The following PTPRE variants were observed in gnomAD, a reference collection of about 807,000 sequenced individuals.
The protein encoded by PTPRE is receptor-type tyrosine-protein phosphatase epsilon.
PTPRE carries 51 observed loss-of-function variants against 102.0 expected under a neutral mutation model. The observed-to-expected ratio is 0.50, with a 90% CI of 0.40 to 0.63. The LOEUF is 0.63. Ranked by LOEUF, PTPRE falls within the 30% of genes least tolerant of loss-of-function variation. The pLI, the probability that PTPRE is intolerant of heterozygous loss-of-function variation, is 0.00. For missense variants in PTPRE, 752 were observed against 915.1 expected (o/e 0.82, Z 2.30); for synonymous variants, 345 against 348.2 (o/e 0.99, Z 0.10).
At chr10:127,996,468 A>C (rs1853274718) in intron 2 of PTPRE, among the ~76,000 whole-genome samples, 1 of 152,202 alleles carries the variant, frequency 6.6e-6, no homozygotes, top group Non-Finnish European at 1.5e-5. Context: ...GTTAAAGTTG[A>C]TTCAAATTGC....
chr10:127,962,616 A>G (rs373942024), intron 1 of PTPRE, among the ~76,000 whole-genome samples: 9 of 152,314 alleles, frequency 5.9e-5, no homozygotes, highest in South Asian at 2.1e-4. Context: ...AGAGGCCTCA[A>G]TGAAGCCGAG....
At position 128,004,052 on chromosome 10, in the gene PTPRE, G is replaced by T. The variant is rs189483758; in HGVS notation, c.-8+21756G>T. ...TTCTCTGTAAAATGAAGGTGATAAT[G>T]GTCCTAACCTCTTATTGTTGGGGGG... is the stretch of plus-strand genomic sequence containing the variant. On this transcript the variant is annotated intron_variant, in intron 2 of 20. Coordinates refer to ENST00000254667, the MANE Select transcript of PTPRE (RefSeq NM_006504.6). Among the ~76,000 whole-genome samples the T allele has an allele frequency of 9.9e-5, 15 of 152,024 alleles. 1 individual carries two copies. The South Asian group carries it at 1.3e-3, about 13-fold the overall frequency.
At position 128,070,482 on chromosome 10, in the gene PTPRE, G is replaced by A. The variant is rs1850672112; in HGVS notation, c.1293+32G>A. ...ACAGCTGACCCTCCTCTCCATCCTG[G>A]TGTAAGCAGCCAAGGGCACGAGGAA... On this transcript the variant is annotated intron_variant, in intron 14 of 20. Transcript: ENST00000254667. This position sits in a 1 kb window ranked among gnomAD's most constrained non-coding sequence, Gnocchi z 4.8. The A allele has an allele frequency of 6.2e-7, 1 of 1,603,018 alleles. No individual in the cohort carries two copies. The highest frequency in any genetic ancestry group is 1.1e-5 in the South Asian group (1 of 88,954).
At position 128,075,740 on chromosome 10, in the gene PTPRE, G is replaced by A. The variant is rs556484959; in HGVS notation, c.1600-863G>A. ...GAAAATTAACAAAATATTGTTCATTGTATAATTATTGTATAAATACTATCT... is the reference window on the plus strand; with the variant it reads ...GAAAATTAACAAAATATTGTTCATTATATAATTATTGTATAAATACTATCT... On this transcript the variant is annotated intron_variant, in intron 17 of 20. Coordinates refer to ENST00000254667, the MANE Select transcript of PTPRE (RefSeq NM_006504.6). 2.6e-5 allele frequency among the ~76,000 whole-genome samples: 4 copies of A among 152,222 alleles called. No homozygotes were observed. In the South Asian group the frequency reaches 8.3e-4, roughly 32 times the overall value.
intron 2 of PTPRE, among the ~76,000 whole-genome samples, chr10:127,988,935 G>A (rs1474800538): frequency 6.6e-6 from 1 of 152,156 alleles, no homozygotes; most frequent in Non-Finnish European, 1.5e-5. Context: ...AACATGTCAT[G>A]TAATAGATTT....
intron 6 of PTPRE, among the ~76,000 whole-genome samples, chr10:128,050,330 C>CTGAT (rs1161336115): frequency 1.1e-5 from 1 of 94,574 alleles, no homozygotes; most frequent in East Asian, 3.4e-4. Flanking sequence ...AGTGGGAGGG[C>CTGAT]GGATGGATGG....
intron 1 of PTPRE, among the ~76,000 whole-genome samples, chr10:127,942,045 A>T (rs902765514): frequency 1.3e-5 from 2 of 152,206 alleles, no homozygotes; most frequent in African/African-American, 2.4e-5. Flanking sequence ...TCATAGAAAA[A>T]AAAAAATAGG....
At chr10:127,923,285 C>T (rs115994026) in intron 1 of PTPRE, among the ~76,000 whole-genome samples, 1 of 152,180 alleles carries the variant, frequency 6.6e-6, no homozygotes, top group Non-Finnish European at 1.5e-5. Flanking sequence ...TGTGGGGACA[C>T]CCTGACCTGG....
chr10:128,026,545 G>C lies in PTPRE; in HGVS notation c.-7-14330G>C, dbSNP rs148923480. ...ACCCATTCAGGTCCCTGCAGTGATA[G>C]CCAGACCAGGGACACCACCAAGCCC... On this transcript the variant is annotated intron_variant, in intron 2 of 20. Transcript: ENST00000254667. Among the ~76,000 whole-genome samples the C allele has an allele frequency of 4.8e-3, 729 of 152,326 alleles. 7 individuals are homozygous for C. The highest frequency in any genetic ancestry group is 0.027 in the Middle Eastern group (8 of 294).
intron 1 of PTPRE, among the ~76,000 whole-genome samples, chr10:127,909,777 G>T (rs1477114309): frequency 1.3e-5 from 2 of 152,366 alleles, no homozygotes; most frequent in South Asian, 2.1e-4. Context: ...TTGGAAGTGA[G>T]ACCTTCCCGA....
intron 2 of PTPRE, among the ~76,000 whole-genome samples, chr10:128,040,618 C>T (rs187330731): frequency 2.0e-5 from 3 of 152,158 alleles, no homozygotes; most frequent in Admixed American, 6.5e-5. Context: ...CCCTGATCTG[C>T]CCCCACTAAC....
chr10:128,047,648 C>T, intron 4 of PTPRE, 116 bp from the exon 5 acceptor site: 1 of 1,614,174 alleles, frequency 6.2e-7, no homozygotes, highest in Non-Finnish European at 8.5e-7. Context: ...GCGGCTCAGC[C>T]ATGAGCAACA....
At chr10:127,977,856 C>A (rs909893808) in intron 1 of PTPRE, among the ~76,000 whole-genome samples, 1 of 152,122 alleles carries the variant, frequency 6.6e-6, no homozygotes, top group Admixed American at 6.5e-5. Flanking sequence ...TGGCTTTTTC[C>A]CAGGGCCTTG....
intron 1 of PTPRE, among the ~76,000 whole-genome samples, chr10:127,970,627 C>A (rs952323755): frequency 6.6e-6 from 1 of 151,968 alleles, no homozygotes; most frequent in African/African-American, 2.4e-5. Flanking sequence ...GAAATGATGC[C>A]TACGAACCTC....
chr10:128,019,513 C>CA (rs1225778905), intron 2 of PTPRE, among the ~76,000 whole-genome samples: 1 of 152,188 alleles, frequency 6.6e-6, no homozygotes, highest in Non-Finnish European at 1.5e-5. Flanking sequence ...CTAAAATACT[C>CA]AGAGTCCAGG....
chr10:128,035,324 A>G (rs1564908533), intron 2 of PTPRE, among the ~76,000 whole-genome samples: 2 of 152,288 alleles, frequency 1.3e-5, no homozygotes, highest in South Asian at 2.1e-4. Flanking sequence ...GTTTTCAGAA[A>G]GATTGTTTAA....
At chr10:128,078,278 C>A (rs1401983135) in intron 19 of PTPRE, among the ~76,000 whole-genome samples, 1 of 152,202 alleles carries the variant, frequency 6.6e-6, no homozygotes, top group Non-Finnish European at 1.5e-5. Context: ...CCAAGTCAGG[C>A]CCAAAGGCAG....
At chr10:128,029,141 C>T (rs1333030562) in intron 2 of PTPRE, among the ~76,000 whole-genome samples, 1 of 152,170 alleles carries the variant, frequency 6.6e-6, no homozygotes, top group East Asian at 1.9e-4. Context: ...TGCTGTGGTG[C>T]ACGTGAGTCA....
intron 1 of PTPRE, among the ~76,000 whole-genome samples, chr10:127,938,446 C>T (rs971294237): frequency 1.3e-5 from 2 of 152,032 alleles, no homozygotes; most frequent in Non-Finnish European, 2.9e-5. Flanking sequence ...TCAAGGCAAA[C>T]GACAGGCAGC....
Sources: gnomAD v4.1 joint callset for allele counts (sites outside exome capture counted in the v4.1 genomes callset) on GRCh38, gnomAD v4.1.1 for gene constraint, Gnocchi (gnomAD v3.1) non-coding constraint, MANE v1.5 for transcripts, NCBI Gene and HGNC (gene_info 2026-07-23, HGNC 2026-07-21) for gene names.